The following P3H2 variants were observed in gnomAD, a reference collection of about 807,000 sequenced individuals.
P3H2 encodes prolyl 3-hydroxylase 2, also known as leprecan-like 1.
P3H2 carries 80 observed loss-of-function variants against 87.0 expected under a neutral mutation model. That is an observed-to-expected ratio of 0.92 (90% CI 0.77 to 1.11). The LOEUF (loss-of-function observed/expected upper bound fraction) is 1.11, where lower values mean the gene tolerates loss of function less well. Ranked by LOEUF, P3H2 falls within the 50% of genes least tolerant of loss-of-function variation. The probability of loss-of-function intolerance (pLI) is 0.00; values close to 1 mark genes in which losing one functional copy is unlikely to be tolerated. For synonymous variants in P3H2, 367 were observed against 359.3 expected (o/e 1.02, Z -0.24); for missense variants, 1,001 against 923.9 (o/e 1.08, Z -1.08).
At chr3:190,061,479 A>C (rs1726329892) in intron 1 of P3H2, among the ~76,000 whole-genome samples, 1 of 152,244 alleles carries the variant, frequency 6.6e-6, no homozygotes, top group East Asian at 1.9e-4. Flanking sequence ...TGGCAGCTAG[A>C]TGACAGGAAA....
At chr3:190,005,759 C>T (rs532992680) in intron 1 of P3H2, among the ~76,000 whole-genome samples, 1 of 152,294 alleles carries the variant, frequency 6.6e-6, no homozygotes, top group South Asian at 2.1e-4. Flanking sequence ...ATCGTGGCTG[C>T]AAGCCAAGGG....
intron 1 of P3H2, among the ~76,000 whole-genome samples, chr3:190,079,895 T>C (rs544682751): frequency 2.6e-5 from 4 of 152,360 alleles, no homozygotes; most frequent in South Asian, 4.1e-4. Flanking sequence ...CAGGAGAGTA[T>C]TAATGGCAAT....
chr3:190,071,400 C>T (rs1311635753), intron 1 of P3H2, among the ~76,000 whole-genome samples: 2 of 152,174 alleles, frequency 1.3e-5, no homozygotes, highest in African/African-American at 4.8e-5. Flanking sequence ...TAAATCCACT[C>T]GTAGTTCTAG....
At chr3:190,003,687 G>A (rs916791972) in intron 1 of P3H2, among the ~76,000 whole-genome samples, 13 of 152,116 alleles carry the variant, frequency 8.5e-5, no homozygotes, top group African/African-American at 3.1e-4. Flanking sequence ...TCTCTGCCTC[G>A]GGTCGAATGA....
chr3:190,114,559 C>T (rs1397082361), intron 1 of P3H2, among the ~76,000 whole-genome samples: 1 of 152,070 alleles, frequency 6.6e-6, no homozygotes, highest in Non-Finnish European at 1.5e-5. Context: ...AAGGAGCTGA[C>T]CAGGCTTTCA....
chr3:190,097,202 C>A (rs531854594), intron 1 of P3H2, among the ~76,000 whole-genome samples: 1 of 152,128 alleles, frequency 6.6e-6, no homozygotes, highest in South Asian at 2.1e-4. Context: ...TCTCACCATT[C>A]AAAAGCAAGG....
chr3:190,043,406 T>C (rs1288077059), intron 1 of P3H2, among the ~76,000 whole-genome samples: 1 of 152,040 alleles, frequency 6.6e-6, no homozygotes, highest in Non-Finnish European at 1.5e-5. Context: ...GCTGACTTCC[T>C]ATGGGTAATT....
At position 189,957,468 on chromosome 3, in the gene P3H2, TG is replaced by T; in HGVS notation, c.*443del. ...GTGTGTGTGTGTGTGTGTGTGTGTG[TG>T]TGTGTGTGTGTTTGGGGGAGGAGGT... On this transcript the variant is annotated 3_prime_UTR_variant, in exon 15 of 15. Transcript: ENST00000319332. 2 of 387,448 alleles carry T rather than the reference TG, an allele frequency of 5.2e-6. No homozygotes were observed. Among genetic ancestry groups the T allele is most frequent in the Non-Finnish European group, 4.6e-6 (1 of 219,594 alleles). The allele number at this position is 387,448 out of a possible 1,614,324, so 24.0% of individuals were successfully genotyped here.
intron 1 of P3H2, among the ~76,000 whole-genome samples, chr3:190,082,876 G>A (rs984903252): frequency 2.6e-5 from 4 of 152,038 alleles, no homozygotes; most frequent in African/African-American, 9.7e-5. Flanking sequence ...AACAGTAAAA[G>A]AAAATGAAGA....
In P3H2 at chr3:190,001,807, T is replaced by TA. The variant is rs142157356; in HGVS notation, c.481-6366dup. Among the ~76,000 whole-genome samples the TA allele has an allele frequency of 7.9e-3, 1,198 of 152,318 alleles. 14 individuals are homozygous for TA. The highest frequency in any genetic ancestry group is 0.028 in the African/African-American group (1,154 of 41,564). On this transcript the variant is annotated intron_variant, in intron 1 of 14. Coordinates refer to ENST00000319332, the MANE Select transcript of P3H2 (RefSeq NM_018192.4). ...CATTTGTAGACATTTCATTACTTGCTAAAAAGTCTCCAAATTTACTCGAAT... is the reference window on the plus strand; with the variant it reads ...CATTTGTAGACATTTCATTACTTGCTAAAAAAGTCTCCAAATTTACTCGAAT...
At chr3:189,994,988 T>C (rs796188445) in intron 2 of P3H2, among the ~76,000 whole-genome samples, 117 of 152,194 alleles carry the variant, frequency 7.7e-4, no homozygotes, top group African/African-American at 2.7e-3. Context: ...AATTATATGA[T>C]GTTCTAGTTT....
At chr3:189,969,904 C>T (rs1029582731) in intron 13 of P3H2, 15 of 908,914 alleles carry the variant, frequency 1.7e-5, no homozygotes, top group Non-Finnish European at 2.6e-5. Context: ...GCACTCGGGA[C>T]TAAGGGAATG....
At chr3:190,003,602 G>A (rs900519656) in intron 1 of P3H2, among the ~76,000 whole-genome samples, 1 of 152,158 alleles carries the variant, frequency 6.6e-6, no homozygotes, top group Non-Finnish European at 1.5e-5. Flanking sequence ...CCTACCAAGG[G>A]AACAGCCAAA....
chr3:190,002,635 G>C (rs542145290), intron 1 of P3H2, among the ~76,000 whole-genome samples: 2 of 152,112 alleles, frequency 1.3e-5, no homozygotes, highest in Admixed American at 1.3e-4. Context: ...TCCTGATCTC[G>C]TGATCCGCCC....
At chr3:190,046,642 A>C (rs57992998) in intron 1 of P3H2, among the ~76,000 whole-genome samples, 122,776 of 151,604 alleles carry the variant, frequency 0.81, 49,870 homozygotes, top group East Asian at 0.88. Context: ...TCAGATATAG[A>C]TTTAAGAAAC....
chr3:190,114,037 G>T (rs1577330604), intron 1 of P3H2, among the ~76,000 whole-genome samples: 1 of 117,970 alleles, frequency 8.5e-6, no homozygotes, highest in African/African-American at 3.5e-5. Flanking sequence ...CCGAGATGTC[G>T]CCACCACACT....
intron 14 of P3H2, 161 bp downstream of exon 14, chr3:189,963,797 C>G (rs1229443781): frequency 6.7e-6 from 5 of 744,540 alleles, no homozygotes; most frequent in Non-Finnish European, 1.2e-5. Context: ...ATATCATTGA[C>G]ACAGCTATTT....
At chr3:190,004,927 ATG>A (rs1333219184) in intron 1 of P3H2, among the ~76,000 whole-genome samples, 1 of 152,186 alleles carries the variant, frequency 6.6e-6, no homozygotes, top group African/African-American at 2.4e-5. Context: ...TACCACAGTT[ATG>A]TCTCTACAAC....
At chr3:190,042,394 G>A (rs1057369112) in intron 1 of P3H2, among the ~76,000 whole-genome samples, 1 of 151,976 alleles carries the variant, frequency 6.6e-6, no homozygotes, top group South Asian at 2.1e-4. Context: ...CTTGGTGTCA[G>A]GATATCCTAA....
Sources: allele counts gnomAD v4.1 joint callset (sites outside exome capture counted in the v4.1 genomes callset), GRCh38; gene constraint gnomAD v4.1.1; transcripts MANE v1.5; gene names NCBI Gene and HGNC (gene_info 2026-07-23, HGNC 2026-07-21).